Variants in ARHGEF17 observed in about 807,000 individuals in gnomAD.
ARHGEF17 encodes the protein 164 kDa Rho-specific guanine-nucleotide exchange factor.
Under a neutral mutation model 174.0 loss-of-function variants are expected in ARHGEF17, and 80 were observed. The ratio of observed to expected loss-of-function variants is 0.46; its 90% CI spans 0.38 to 0.55. The LOEUF is 0.55. Among genes scored for constraint, ARHGEF17 ranks in the 20% least tolerant of loss-of-function variants. ARHGEF17 has a pLI of 0.00. For missense variants in ARHGEF17, 2,886 were observed against 2,839.7 expected (o/e 1.02, Z -0.37); for synonymous variants, 1,311 against 1,189.1 (o/e 1.10, Z -2.11).
chr11:73,344,915 G>C (rs1865435615), intron 1 of ARHGEF17, among the ~76,000 whole-genome samples: 1 of 152,184 alleles, frequency 6.6e-6, no homozygotes, highest in Non-Finnish European at 1.5e-5. Flanking sequence ...CTCACAGGCT[G>C]TGTGATCTTG....
Position 73,361,181 on chromosome 11 carries a change from A to C in ARHGEF17, c.4494+20A>C, listed in dbSNP as rs758770857. 1 of 1,612,242 alleles carries C rather than the reference A, an allele frequency of 6.2e-7. No homozygotes were observed. Among genetic ancestry groups the C allele is most frequent in the South Asian group, 1.1e-5 (1 of 90,882 alleles). ...ATGCAGGTATGTCTGCATCTGGGTC[A>C]CTTGGGTACATGTTTTCAAAGCCAG... On this transcript the variant is annotated intron_variant, in intron 12 of 20. Transcript: ENST00000263674.
Position 73,310,890 on chromosome 11 carries a change from C to T in ARHGEF17, c.2252C>T (p.Thr751Ile), listed in dbSNP as rs749333852. The T allele has an allele frequency of 6.2e-7, 1 of 1,613,252 alleles. No homozygotes were observed. The highest frequency in any genetic ancestry group is 1.3e-5 in the African/African-American group (1 of 75,048). ...CGGGCTGCCACCTCTGAAGAGCCTA[C>T]TGGGTTCTCTGTGGACAGCAACCTC... Reference protein sequence around the residue: ...RHRAATSEEPTGFSVDSNLLG... With the variant: ...RHRAATSEEPIGFSVDSNLLG... The change falls in exon 1 of 21, where the codon ACT becomes ATT. Residue 751 changes from threonine to isoleucine, a missense_variant. By Grantham distance (89) the Thr-to-Ile change is moderately conservative. Around this residue, in one of 4 missense-constraint regions of ARHGEF17, gnomAD observed 1,728 missense variants for 1,461.2 expected, o/e 1.18. Transcript: ENST00000263674.
chr11:73,364,745 C>A, intron 18 of ARHGEF17, 145 bp downstream of exon 18: 2 of 1,012,814 alleles, frequency 2.0e-6, no homozygotes, highest in South Asian at 1.9e-5. Context: ...GCTGGCCAGT[C>A]CCTGTCCTCC....
At chr11:73,353,331 C>T (rs541403645) in intron 3 of ARHGEF17, 17 of 393,718 alleles carry the variant, frequency 4.3e-5, no homozygotes, top group Middle Eastern at 7.2e-4. Context: ...CTGGTGCGGA[C>T]GCTGACCCAG....
At chr11:73,357,426 C>T in intron 9 of ARHGEF17, 99 bp downstream of exon 9, 8 of 1,156,490 alleles carry the variant, frequency 6.9e-6, no homozygotes, top group Non-Finnish European at 9.8e-6. Context: ...TGTCCAGCTG[C>T]TTTTCCACTT....
intron 20 of ARHGEF17, among the ~76,000 whole-genome samples, chr11:73,366,266 C>T (rs936533409): frequency 6.6e-6 from 1 of 152,030 alleles, no homozygotes; most frequent in Non-Finnish European, 1.5e-5. Flanking sequence ...GAAAATATGT[C>T]CTGTTGTATA....
At position 73,311,450 on chromosome 11, in the gene ARHGEF17, G is replaced by A. The variant is rs147085966; in HGVS notation, c.2812G>A (p.Glu938Lys). The A allele has an allele frequency of 2.8e-5, 45 of 1,613,324 alleles. No individual in the cohort carries two copies. The African/African-American group carries it at 4.8e-4, about 17-fold the overall frequency. ...TAGTCACCAGGAGCTTCGGAGAGAC[G>A]AGGGCAGTCAGGACCAGACTGGCAG... ...RSSHQELRRD[E>K]GSQDQTGSLS... is the part of the protein sequence containing the mutation. Residue 938 changes from glutamate (E) to lysine (K), a missense_variant, in exon 1 of 21, where the codon GAG (glutamate) becomes AAG (lysine). Around this residue, in one of 4 missense-constraint regions of ARHGEF17, gnomAD observed 1,728 missense variants for 1,461.2 expected, o/e 1.18. Transcript: ENST00000263674.
intron 13 of ARHGEF17, 69 bp from the exon 14 acceptor site, chr11:73,362,364 T>A (rs111594449): frequency 0.093 from 135,945 of 1,456,572 alleles, 7,158 homozygotes; most frequent in Non-Finnish European, 0.1. Context: ...GCGGGGTCGG[T>A]GGGCGTGTCC....
intron 3 of ARHGEF17, among the ~76,000 whole-genome samples, chr11:73,354,515 A>C (rs1027856979): frequency 6.6e-6 from 1 of 152,146 alleles, no homozygotes; most frequent in Admixed American, 6.5e-5. Context: ...GGAGTTTGAG[A>C]CCAGCCTGAC....
chr11:73,319,718 G>A (rs1864985294), intron 1 of ARHGEF17, among the ~76,000 whole-genome samples: 1 of 152,188 alleles, frequency 6.6e-6, no homozygotes, highest in East Asian at 1.9e-4. Flanking sequence ...ATTGAGCTCC[G>A]TGTTGGGCAG....
At chr11:73,341,557 C>T (rs1400205947) in intron 1 of ARHGEF17, among the ~76,000 whole-genome samples, 1 of 152,188 alleles carries the variant, frequency 6.6e-6, no homozygotes, top group Non-Finnish European at 1.5e-5. Context: ...GGTGATCTGC[C>T]CGCCTCAGCC....
intron 14 of ARHGEF17, 106 bp downstream of exon 14, chr11:73,362,840 C>A: frequency 7.3e-7 from 1 of 1,370,880 alleles, no homozygotes; most frequent in South Asian, 1.4e-5. Context: ...GGCGTCAGAC[C>A]TCAGGATGTT....
chr11:73,317,917 A>G (rs549449382), intron 1 of ARHGEF17, among the ~76,000 whole-genome samples: 2 of 152,148 alleles, frequency 1.3e-5, no homozygotes, highest in Admixed American at 6.5e-5. Flanking sequence ...AGGGTTCACT[A>G]GGGACAGCCT....
chr11:73,365,007 T>G lies in ARHGEF17; in HGVS notation c.5551-383T>G. 1 of 301,920 alleles carries G rather than the reference T, an allele frequency of 3.3e-6. No homozygotes were observed. The highest frequency in any genetic ancestry group is 6.2e-6 in the Non-Finnish European group (1 of 162,038). The allele number at this position is 301,920 out of a possible 1,614,324, so 18.7% of individuals were successfully genotyped here. A position where few individuals can be genotyped will look rare whatever the true frequency, so the allele number is the denominator to read the frequency against. ...GGGTTCCCTTAATTTCCCTCACTTA[T>G]TCCATTGTTGGCTGGGCAGGAGTCC... On this transcript the variant is annotated intron_variant, in intron 18 of 20. Transcript: ENST00000263674. The surrounding 1 kb of genome is among the most constrained non-coding windows in gnomAD (Gnocchi z 4.9).
chr11:73,361,046 T>C lies in ARHGEF17; in HGVS notation c.4421-42T>C. 5 of 1,538,860 alleles carry C rather than the reference T, an allele frequency of 3.2e-6. No individual in the cohort carries two copies. The South Asian group carries it at 5.6e-5, about 17-fold the overall frequency. On this transcript the variant is annotated intron_variant, in intron 11 of 20. Transcript: ENST00000263674. The stretch of plus-strand genomic sequence containing the variant: ...GGCAGGACCAGGGTGAGATGGATGC[T>C]ATGCTAAGCAGGGTCCGTCTGTCTG...
At chr11:73,332,365 G>A (rs914721288) in intron 1 of ARHGEF17, among the ~76,000 whole-genome samples, 2 of 88,426 alleles carry the variant, frequency 2.3e-5, no homozygotes, top group East Asian at 4.7e-4. Context: ...GTGTGTGTGT[G>A]TGTGTGTGTG....
At chr11:73,352,804 G>A (rs372287753) in intron 2 of ARHGEF17, 26 bp from the exon 3 acceptor site, 255 of 1,612,990 alleles carry the variant, frequency 1.6e-4, no homozygotes, top group Middle Eastern at 1.3e-3. Flanking sequence ...CTGAGGGAGT[G>A]TGCACCGACC....
chr11:73,365,255 C>T lies in ARHGEF17; in HGVS notation c.5551-135C>T. ...GTTGGGAGGTGCTGGTGAAACCAAGCTTCGAAAGGTTAATCAGACCAAGGA... is the reference window on the plus strand; with the variant it reads ...GTTGGGAGGTGCTGGTGAAACCAAGTTTCGAAAGGTTAATCAGACCAAGGA... On this transcript the variant is annotated intron_variant, in intron 18 of 20. Transcript: ENST00000263674. The surrounding 1 kb of genome is among the most constrained non-coding windows in gnomAD (Gnocchi z 4.9). 1 of 972,540 alleles carries T rather than the reference C, an allele frequency of 1.0e-6. No homozygotes were observed. The highest frequency in any genetic ancestry group is 1.5e-6 in the Non-Finnish European group (1 of 659,524). 60.2% of individuals were successfully genotyped at this position (972,540 alleles called of 1,614,324 possible).
intron 1 of ARHGEF17, 128 bp downstream of exon 1, chr11:73,311,958 G>A (rs1864846181): frequency 9.4e-7 from 1 of 1,061,956 alleles, no homozygotes; most frequent in African/African-American, 1.6e-5. Flanking sequence ...TTCTGGTCCT[G>A]GAAGTGCCTG....
Sources: allele counts gnomAD v4.1 joint callset (sites outside exome capture counted in the v4.1 genomes callset), GRCh38; gene constraint gnomAD v4.1.1; regional missense constraint gnomAD v4.1.1; non-coding constraint Gnocchi (gnomAD v3.1); transcripts MANE v1.5; gene names NCBI Gene and HGNC (gene_info 2026-07-23, HGNC 2026-07-21).